The following MROH7 variants were observed in gnomAD, a reference collection of about 807,000 sequenced individuals.
MROH7 encodes maestro heat-like repeat-containing protein family member 7.
In MROH7, 113 loss-of-function variants were observed where a neutral mutation model predicts 129.2. That is an observed-to-expected ratio of 0.87 (90% CI 0.75 to 1.02). The LOEUF is 1.02. MROH7 is among the 50% of genes least tolerant of loss of function. MROH7 has a pLI of 0.00. For missense variants in MROH7, 1,601 were observed against 1,671.3 expected, an observed-to-expected ratio of 0.96 and a Z score of 0.73; for synonymous variants, 655 against 667.9, an observed-to-expected ratio of 0.98 and a Z score of 0.30.
chr1:54,683,028 A>C (rs1645095132), intron 14 of MROH7, among the ~76,000 whole-genome samples: 1 of 134,310 alleles, frequency 7.4e-6, no homozygotes, highest in African/African-American at 3.1e-5. Context: ...AGTGACTTGG[A>C]GTCACAGACA....
chr1:54,648,349 T>TTTA (rs1421444679), intron 1 of MROH7, among the ~76,000 whole-genome samples: 13 of 148,892 alleles, frequency 8.7e-5, no homozygotes, highest in Admixed American at 8.0e-4. Flanking sequence ...TATTTATTTA[T>TTTA]TTATTTATTT....
chr1:54,663,695 A>AC (rs964741384), intron 3 of MROH7: 28 of 399,818 alleles, frequency 7.0e-5, no homozygotes, highest in Admixed American at 5.8e-4. Context: ...TAAAAAAAAA[A>AC]AAAAAACAAA....
intron 12 of MROH7, 152 bp from the exon 13 acceptor site, chr1:54,679,739 G>T: frequency 1.3e-6 from 1 of 789,078 alleles, no homozygotes; most frequent in Non-Finnish European, 2.0e-6. Context: ...GGGAGGGGCA[G>T]GCGCTCTGCT....
At chr1:54,704,263 A>T (rs999012151) in intron 21 of MROH7, among the ~76,000 whole-genome samples, 1 of 152,090 alleles carries the variant, frequency 6.6e-6, no homozygotes, top group African/African-American at 2.4e-5. Context: ...AAATGCTCAC[A>T]GTGGCCAGTG....
chr1:54,700,494 C>A, intron 18 of MROH7, 33 bp downstream of exon 18: 1 of 1,543,340 alleles, frequency 6.5e-7, no homozygotes, highest in Non-Finnish European at 8.7e-7. Flanking sequence ...CCTGGCCCAG[C>A]CAGGCCCCAG....
chr1:54,670,936 C>T lies in MROH7; in HGVS notation c.1599+7C>T, dbSNP rs201762631. 5.4e-5 allele frequency: 86 copies of T among 1,593,184 alleles called. No individual in the cohort carries two copies. Among genetic ancestry groups the T allele is most frequent in the East Asian group, 6.8e-5 (3 of 44,086 alleles). ...CAAGGCTGAGACCATCCAGGTGAGGCGGGACCTTCCCAGCAGGGCCTCAGG... is the reference window on the plus strand; with the variant it reads ...CAAGGCTGAGACCATCCAGGTGAGGTGGGACCTTCCCAGCAGGGCCTCAGG... On this transcript the variant is annotated splice_region_variant and intron_variant, in intron 7 of 23. Transcript: ENST00000421030.
intron 10 of MROH7, among the ~76,000 whole-genome samples, chr1:54,675,374 T>C (rs1032613422): frequency 1.3e-5 from 2 of 152,190 alleles, no homozygotes; most frequent in Non-Finnish European, 2.9e-5. Context: ...TGTCATGTAG[T>C]TCACTTTTTC....
intron 10 of MROH7, among the ~76,000 whole-genome samples, chr1:54,676,483 C>T (rs886751873): frequency 2.4e-4 from 36 of 152,218 alleles, no homozygotes; most frequent in African/African-American, 8.7e-4. Flanking sequence ...GATCTTGGCT[C>T]ATTGCAACCT....
intron 14 of MROH7, among the ~76,000 whole-genome samples, chr1:54,683,458 C>G (rs1645101349): frequency 6.6e-6 from 1 of 152,192 alleles, no homozygotes; most frequent in South Asian, 2.1e-4. Flanking sequence ...CCACCCTGGT[C>G]CATGCCAGTT....
intron 16 of MROH7, among the ~76,000 whole-genome samples, chr1:54,694,120 G>C (rs940790466): frequency 6.6e-6 from 1 of 152,188 alleles, no homozygotes; most frequent in Non-Finnish European, 1.5e-5. Flanking sequence ...GAAATCAGGT[G>C]ATCTGCCCGC....
intron 17 of MROH7, among the ~76,000 whole-genome samples, chr1:54,696,139 A>G (rs1218204543): frequency 6.6e-6 from 1 of 152,160 alleles, no homozygotes; most frequent in East Asian, 1.9e-4. Flanking sequence ...GTCTCATACT[A>G]ATCTTATGAC....
chr1:54,658,976 C>T, intron 3 of MROH7: 2 of 283,136 alleles, frequency 7.1e-6, no homozygotes, highest in Non-Finnish European at 1.4e-5. Context: ...GGTTGCTAAT[C>T]ACTGCCCCGG....
chr1:54,686,345 C>T lies in MROH7; in HGVS notation c.2608C>T (p.Leu870Phe), dbSNP rs1334500317. The change falls in exon 15 of 24, where the codon CTC becomes TTC. Residue 870 changes from leucine to phenylalanine, a missense_variant. Transcript: ENST00000421030. ...RIYPQLLLAL[L>F]IQVHYHIGLN... ...CTACCCTCAGCTGCTCCTGGCCCTG[C>T]TCATTCAGGTCCATTACCACATCGG... 1.2e-6 allele frequency: 2 copies of T among 1,614,046 alleles called. No individual in the cohort carries two copies. Among genetic ancestry groups the T allele is most frequent in the Non-Finnish European group, 1.7e-6 (2 of 1,180,014 alleles).
chr1:54,648,419 G>A lies in MROH7; in HGVS notation c.-109-3530G>A, dbSNP rs184148732. 4.2e-3 allele frequency among the ~76,000 whole-genome samples: 633 copies of A among 151,800 alleles called. 2 individuals are homozygous for A. The highest frequency in any genetic ancestry group is 6.6e-3 in the Non-Finnish European group (446 of 67,968). ...TCGCTCCTGTTGCCCAGGCTAGAGT[G>A]CAGTGGCGCAATCTCGGCTCACTGC... On this transcript the variant is annotated intron_variant, in intron 1 of 23. Transcript: ENST00000421030.
Position 54,661,509 on chromosome 1 carries a change from G to T in MROH7, c.1232-3658G>T, listed in dbSNP as rs116595403. ...TTACAGGCATGAACCACCACGTCAG[G>T]CCCTGTTCACTTTTATAATCTGTGC... On this transcript the variant is annotated intron_variant, in intron 3 of 23. Transcript: ENST00000421030. Among the ~76,000 whole-genome samples the T allele has an allele frequency of 4.4e-3, 677 of 152,218 alleles. 4 individuals carry two copies. Among genetic ancestry groups the T allele is most frequent in the African/African-American group, 0.015 (639 of 41,538 alleles).
At chr1:54,684,750 A>G (rs1361053911) in intron 14 of MROH7, among the ~76,000 whole-genome samples, 1 of 152,232 alleles carries the variant, frequency 6.6e-6, no homozygotes, top group Non-Finnish European at 1.5e-5. Context: ...ACCGTGGTCA[A>G]TCACTTCCCC....
chr1:54,663,700 AAC>A (rs1409401707), intron 3 of MROH7: 3,419 of 303,908 alleles, frequency 0.011, 5 homozygotes, highest in East Asian at 0.04. Flanking sequence ...AAAAAAAAAA[AAC>A]AAAAAAAAAA....
Position 54,650,218 on chromosome 1 carries a change from TG to T in MROH7, c.-109-1727del, listed in dbSNP as rs552764567. ...CTTTATGTGTTCCCTATCTTAGAGA[TG>T]GGGAGGACAAGGGCCAGAGGGGAAA... On this transcript the variant is annotated intron_variant, in intron 1 of 23. Transcript: ENST00000421030. Among the ~76,000 whole-genome samples the T allele has an allele frequency of 5.4e-3, 823 of 152,306 alleles. 3 individuals are homozygous for T. The highest frequency in any genetic ancestry group is 8.7e-3 in the Non-Finnish European group (593 of 68,020).
intron 14 of MROH7, among the ~76,000 whole-genome samples, chr1:54,684,443 C>T (rs985563502): frequency 3.3e-5 from 5 of 152,252 alleles, no homozygotes; most frequent in Non-Finnish European, 5.9e-5. Context: ...GGCATTCATC[C>T]TCTTCTACAA....
Sources: allele counts gnomAD v4.1 joint callset (sites outside exome capture counted in the v4.1 genomes callset), GRCh38; gene constraint gnomAD v4.1.1; transcripts MANE v1.5; gene names NCBI Gene and HGNC (gene_info 2026-07-23, HGNC 2026-07-21).